The following TTC13 variants were observed in gnomAD, a reference collection of about 807,000 sequenced individuals.
TTC13 encodes the protein tetratricopeptide repeat protein 13.
In TTC13, 62 loss-of-function variants were observed where a neutral mutation model predicts 120.0. The observed-to-expected ratio is 0.52, with a 90% CI of 0.42 to 0.64. TTC13 has a LOEUF of 0.64. TTC13 is among the 30% of genes least tolerant of loss of function. TTC13 has a pLI of 0.00. For synonymous variants in TTC13, 384 were observed against 393.5 expected (o/e 0.98, Z 0.28); for missense variants, 824 against 1,050.2 (o/e 0.78, Z 2.98).
At chr1:230,919,829 G>A (rs1437460436) in intron 17 of TTC13, among the ~76,000 whole-genome samples, 1 of 152,148 alleles carries the variant, frequency 6.6e-6, no homozygotes, top group Non-Finnish European at 1.5e-5. Flanking sequence ...ATGTCTCTCA[G>A]CACATACACC....
At chr1:230,929,603 C>T (rs969400182) in intron 11 of TTC13, among the ~76,000 whole-genome samples, 7 of 152,142 alleles carry the variant, frequency 4.6e-5, no homozygotes, top group African/African-American at 1.2e-4. Context: ...CATGAGCCAC[C>T]GCGCCTGGCC....
Position 230,940,316 on chromosome 1 carries a change from CTT to C in TTC13, c.789+122_789+123del. 1 of 573,110 alleles carries C rather than the reference CTT, an allele frequency of 1.7e-6. No individual in the cohort carries two copies. Among genetic ancestry groups the C allele is most frequent in the Non-Finnish European group, 3.0e-6 (1 of 328,732 alleles). 35.5% of individuals were successfully genotyped at this position (573,110 alleles called of 1,614,324 possible). A position where few individuals can be genotyped will look rare whatever the true frequency, so the allele number is the denominator to read the frequency against. ...AGCTACAGAAAATGCTTTTATAACTCTTATGACACAGACATATTACTAAACAG... is the reference window on the plus strand; with the variant it reads ...AGCTACAGAAAATGCTTTTATAACTCATGACACAGACATATTACTAAACAG... On this transcript the variant is annotated intron_variant, in intron 7 of 22. Coordinates refer to ENST00000366661, the MANE Select transcript of TTC13 (RefSeq NM_024525.5). This position sits in a 1 kb window ranked among gnomAD's most constrained non-coding sequence, Gnocchi z 4.1.
intron 22 of TTC13, chr1:230,908,264 T>G (rs1478498680): frequency 2.8e-6 from 1 of 361,920 alleles, no homozygotes; most frequent in Non-Finnish European, 5.5e-6. Flanking sequence ...CATAGCTCAC[T>G]GCAGCCTCAA....
intron 16 of TTC13, among the ~76,000 whole-genome samples, 153 bp from the exon 17 acceptor site, chr1:230,920,747 G>A (rs1672505987): frequency 6.6e-6 from 1 of 152,064 alleles, no homozygotes; most frequent in South Asian, 2.1e-4. Flanking sequence ...CCAAATAACG[G>A]GATAGTTCAA....
intron 17 of TTC13, among the ~76,000 whole-genome samples, chr1:230,919,668 G>C (rs1282410773): frequency 6.6e-6 from 1 of 152,158 alleles, no homozygotes; most frequent in Non-Finnish European, 1.5e-5. Context: ...TTCTTTGTTA[G>C]GGCAGTCTAT....
chr1:230,916,262 G>T lies in TTC13; in HGVS notation c.2024C>A (p.Thr675Lys), dbSNP rs763094255. Residue 675 changes from threonine (T) to lysine (K), a missense_variant, in exon 18 of 23, where the codon ACA becomes AAA. This residue lies in a region of TTC13 where 226 missense variants were observed against 259.1 expected (regional missense o/e 0.87). Transcript: ENST00000366661. ...TTGGTCTTTAAGGCTGGGAACTTTT[G>T]TGTTCACGGTGAACCCATCCTTCGT... ...TKTKDGFTVN[T>K]KVPSLKDQGK... is the part of the protein sequence containing the mutation. 1.9e-6 allele frequency: 3 copies of T among 1,614,102 alleles called. No individual in the cohort carries two copies.
rs1674766025 is a variant in TTC13 at position 230,944,083 on chromosome 1, C to A, written c.580-185G>T. Reference sequence around the variant, plus strand: ...CATGATATTATAATTATTTAACTCACTCAAGTCTACCTACTTACTCAACAA... The same window carrying A: ...CATGATATTATAATTATTTAACTCAATCAAGTCTACCTACTTACTCAACAA... On this transcript the variant is annotated intron_variant, in intron 5 of 22. Coordinates refer to ENST00000366661, the MANE Select transcript of TTC13 (RefSeq NM_024525.5). This position sits in a 1 kb window ranked among gnomAD's most constrained non-coding sequence, Gnocchi z 4.0. Among the ~76,000 whole-genome samples, 1 of 152,212 alleles carries A rather than the reference C, an allele frequency of 6.6e-6. No individual in the cohort carries two copies. The highest frequency in any genetic ancestry group is 2.4e-5 in the African/African-American group (1 of 41,442).
rs1216368875 is a variant in TTC13, at chr1:230,978,373, G to A, written c.271+187C>T. On this transcript the variant is annotated intron_variant, in intron 1 of 22. Coordinates refer to ENST00000366661, the MANE Select transcript of TTC13 (RefSeq NM_024525.5). This position sits in a 1 kb window ranked among gnomAD's most constrained non-coding sequence, Gnocchi z 5.6. The stretch of plus-strand genomic sequence containing the variant: ...CCCTGCCCAAAGGCGGCTGCAGGAG[G>A]GCGCGCGGCGGCGTGGGTGGCAGCG... Among the ~76,000 whole-genome samples, 1 of 152,034 alleles carries A rather than the reference G, an allele frequency of 6.6e-6. No individual in the cohort carries two copies. Among genetic ancestry groups the A allele is most frequent in the Non-Finnish European group, 1.5e-5 (1 of 67,962 alleles).
At chr1:230,924,433 C>A (rs1451317651) in intron 14 of TTC13, among the ~76,000 whole-genome samples, 1 of 152,116 alleles carries the variant, frequency 6.6e-6, no homozygotes, top group African/African-American at 2.4e-5. Context: ...CCTGGGTTCA[C>A]GCCATTCTCC....
At chr1:230,958,381 A>T in intron 2 of TTC13, 82 bp from the exon 3 acceptor site, 1 of 1,455,848 alleles carries the variant, frequency 6.9e-7, no homozygotes, top group Admixed American at 2.5e-5. Flanking sequence ...TATTTTAAAA[A>T]ATTAAAATTA....
Position 230,943,811 on chromosome 1 carries a change from C to T in TTC13, c.667G>A (p.Ala223Thr). The T allele has an allele frequency of 6.2e-7, 1 of 1,607,232 alleles. No individual in the cohort carries two copies. The highest frequency in any genetic ancestry group is 8.5e-7 in the Non-Finnish European group (1 of 1,175,648). The change falls in exon 6 of 23, where the codon GCA becomes ACA. Residue 223 changes from alanine (A) to threonine (T), a missense_variant. Physicochemically the swap from Ala to Thr is moderately conservative, Grantham distance 58. This residue lies in a region of TTC13 where 430 missense variants were observed against 626.8 expected (regional missense o/e 0.69). Transcript: ENST00000366661. ...PDRPEVFEQR[A>T]EILSPLGRIN... The stretch of plus-strand genomic sequence containing the variant: ...AAAAAGAAAGCCACACTCACTTCTG[C>T]TCGCTGCTCAAATACCTCTGGACGA...
Position 230,923,934 on chromosome 1 carries a change from C to A in TTC13, c.1722-1G>T. ...CACGGGCTGGTCTGGGTCAGCAATC[C>A]TATAAAACAGAGACCTTTATAAAAC... On this transcript the variant is annotated splice_acceptor_variant, in intron 14 of 22. Transcript: ENST00000366661. LOFTEE classifies it high-confidence loss of function. 1 of 1,611,082 alleles carries A rather than the reference C, an allele frequency of 6.2e-7. No individual in the cohort carries two copies. Among genetic ancestry groups the A allele is most frequent in the Non-Finnish European group, 8.5e-7 (1 of 1,177,970 alleles).
chr1:230,951,020 C>G (rs1024814257), intron 4 of TTC13, among the ~76,000 whole-genome samples: 1 of 152,086 alleles, frequency 6.6e-6, no homozygotes, highest in African/African-American at 2.4e-5. Flanking sequence ...TCTATTAAAC[C>G]CTGTCATTGT....
At chr1:230,968,854 T>C (rs1004774721) in intron 1 of TTC13, among the ~76,000 whole-genome samples, 10 of 152,234 alleles carry the variant, frequency 6.6e-5, no homozygotes, top group Admixed American at 1.3e-4. Flanking sequence ...GTGATTACGC[T>C]GGAAGCTCTC....
intron 4 of TTC13, among the ~76,000 whole-genome samples, chr1:230,947,754 T>C (rs1229708137): frequency 6.6e-6 from 1 of 152,126 alleles, no homozygotes; most frequent in Non-Finnish European, 1.5e-5. Flanking sequence ...GCTGCTTTTC[T>C]CCTAACAGAA....
chr1:230,956,143 G>A (rs1291739201), intron 3 of TTC13, among the ~76,000 whole-genome samples: 1 of 152,210 alleles, frequency 6.6e-6, no homozygotes. Context: ...GTAGAAAGTG[G>A]TTAAACTAGC....
intron 8 of TTC13, among the ~76,000 whole-genome samples, chr1:230,934,927 A>C (rs11122158): frequency 0.68 from 103,796 of 152,080 alleles, 35,519 homozygotes; most frequent in Admixed American, 0.72. Context: ...AAAAGCAGTA[A>C]AATTCTAATT....
At chr1:230,938,543 C>T (rs141019044) in intron 8 of TTC13, among the ~76,000 whole-genome samples, 15 of 152,308 alleles carry the variant, frequency 9.8e-5, no homozygotes, top group Non-Finnish European at 2.2e-4. Flanking sequence ...CCTCTACCTC[C>T]TCTGCCCAGC....
chr1:230,949,352 G>C (rs1372534070), intron 4 of TTC13, among the ~76,000 whole-genome samples: 1 of 129,462 alleles, frequency 7.7e-6, no homozygotes, highest in Admixed American at 8.5e-5. Context: ...ACGTATGGTG[G>C]CCCTCCAGCT....
Sources: allele counts gnomAD v4.1 joint callset (sites outside exome capture counted in the v4.1 genomes callset), GRCh38; gene constraint gnomAD v4.1.1; regional missense constraint gnomAD v4.1.1; non-coding constraint Gnocchi (gnomAD v3.1); transcripts MANE v1.5; gene names NCBI Gene and HGNC (gene_info 2026-07-23, HGNC 2026-07-21).